Variants in MBTPS1 observed in about 807,000 individuals in gnomAD.
MBTPS1 encodes the protein membrane bound transcription factor peptidase, site 1.
MBTPS1 carries 94 observed loss-of-function variants against 127.8 expected under a neutral mutation model. That is an observed-to-expected ratio of 0.74 (90% CI 0.62 to 0.87). The LOEUF (loss-of-function observed/expected upper bound fraction) is 0.87. Among genes scored for constraint, MBTPS1 ranks in the 40% least tolerant of loss-of-function variants. The pLI, the probability that MBTPS1 is intolerant of heterozygous loss-of-function variation, is 0.00. For missense variants in MBTPS1, 1,636 were observed against 1,353.2 expected (o/e 1.21, Z -3.28); for synonymous variants, 632 against 509.4 (o/e 1.24, Z -3.24).
chr16:84,074,569 C>G (rs2085823267), intron 12 of MBTPS1, 28 bp downstream of exon 12: 2 of 1,608,470 alleles, frequency 1.2e-6, no homozygotes, highest in Non-Finnish European at 1.7e-6. Context: ...ACCATCAAGT[C>G]AGAGACCAAG....
intron 12 of MBTPS1, among the ~76,000 whole-genome samples, chr16:84,073,941 G>A (rs1409205906): frequency 6.6e-6 from 1 of 152,136 alleles, no homozygotes; most frequent in Non-Finnish European, 1.5e-5. Flanking sequence ...GGGAGGCGGA[G>A]GTTGCAGTGA....
chr16:84,067,724 C>G lies in MBTPS1; in HGVS notation c.2171G>C (p.Ser724Thr). ...VDNGLSLVIF[S>T]DWYNTSVMRK... ...CATAACAGAAGTGTTGTACCAGTCA[C>G]TGAAGATGACGAGCGAGAGGCCGTT... The change falls in exon 16 of 23, where the codon AGT (serine) becomes ACT (threonine). Residue 724 changes from serine to threonine, a missense_variant. Coordinates refer to ENST00000343411, the MANE Select transcript of MBTPS1 (RefSeq NM_003791.4). 6.2e-7 allele frequency: 1 copy of G among 1,614,170 alleles called. No individual in the cohort carries two copies. Among genetic ancestry groups the G allele is most frequent in the Non-Finnish European group, 8.5e-7 (1 of 1,179,974 alleles).
Position 84,065,746 on chromosome 16 carries a change from C to G in MBTPS1, c.2375G>C (p.Ser792Thr). 6.2e-7 allele frequency: 1 copy of G among 1,608,088 alleles called. No homozygotes were observed. Among genetic ancestry groups the G allele is most frequent in the South Asian group, 1.1e-5 (1 of 89,850 alleles). ...NHDMYYASGC[S>T]IAKFPEDGVV... ...GCCATCTTCTGGAAACTTCGCGATG[C>G]TGCACCCTGACGCATAATACACTAG... The change falls in exon 18 of 23, where the codon AGC becomes ACC. Residue 792 changes from serine to threonine, a missense_variant. Physicochemically the swap from Ser to Thr is moderately conservative, Grantham distance 58 (BLOSUM62 1). Transcript: ENST00000343411.
Position 84,070,050 on chromosome 16 carries a change from G to C in MBTPS1, c.1783-12C>G. ...GCACCATTTTTTGACTAAAAAAAAA[G>C]AAAAGAAACTTGAAACGCCCTCATT... On this transcript the variant is annotated splice_polypyrimidine_tract_variant and intron_variant, in intron 13 of 22. Transcript: ENST00000343411. 6.4e-7 allele frequency: 1 copy of C among 1,552,166 alleles called. No individual in the cohort carries two copies. The highest frequency in any genetic ancestry group is 8.7e-7 in the Non-Finnish European group (1 of 1,156,050).
At chr16:84,060,515 G>A (rs1043681520) in intron 20 of MBTPS1, 167 bp downstream of exon 20, 11 of 687,932 alleles carry the variant, frequency 1.6e-5, no homozygotes, top group South Asian at 6.2e-5. Flanking sequence ...TGGCCTCTCG[G>A]CAGGTTAGAG....
intron 2 of MBTPS1, among the ~76,000 whole-genome samples, chr16:84,101,001 A>T (rs1420761750): frequency 4.1e-5 from 6 of 146,306 alleles, no homozygotes; most frequent in Non-Finnish European, 6.0e-5. Flanking sequence ...TAAAAATACA[A>T]AAAAAAAAAA....
Position 84,070,674 on chromosome 16 carries a change from T to C in MBTPS1, c.1696A>G (p.Ile566Val). The change falls in exon 13 of 23, where the codon ATT becomes GTT. Residue 566 changes from isoleucine (I) to valine (V), a missense_variant. Ile to Val is a conservative substitution (Grantham distance 29, BLOSUM62 3). Transcript: ENST00000343411. ...GAAGCCGCTTTCTTGGTCACAGAAA[T>C]GGAGATGGCCAGGTAGCCCGACCAA... ...WPWSGYLAIS[I>V]SVTKKAASWE... 6.2e-7 allele frequency: 1 copy of C among 1,613,884 alleles called. No individual in the cohort carries two copies. The highest frequency in any genetic ancestry group is 8.5e-7 in the Non-Finnish European group (1 of 1,179,970).
intron 12 of MBTPS1, among the ~76,000 whole-genome samples, chr16:84,074,245 T>C (rs1391390954): frequency 6.6e-6 from 1 of 152,030 alleles, no homozygotes; most frequent in Non-Finnish European, 1.5e-5. Flanking sequence ...TCCTTTTTTT[T>C]TTTTTCCCAG....
intron 6 of MBTPS1, among the ~76,000 whole-genome samples, chr16:84,092,496 G>A (rs549714944): frequency 2.4e-4 from 36 of 152,236 alleles, no homozygotes; most frequent in African/African-American, 8.4e-4. Flanking sequence ...ATACACCAAA[G>A]AAATTCTACG....
At chr16:84,113,797 G>C (rs924705421) in intron 1 of MBTPS1, among the ~76,000 whole-genome samples, 1 of 152,154 alleles carries the variant, frequency 6.6e-6, no homozygotes, top group Non-Finnish European at 1.5e-5. Context: ...ACTGAATTGT[G>C]TTTAGACCAC....
rs546203307 is a variant in MBTPS1, at chr16:84,056,298, A to G, written c.2832-163T>C. On this transcript the variant is annotated intron_variant, in intron 21 of 22. Coordinates refer to ENST00000343411, the MANE Select transcript of MBTPS1 (RefSeq NM_003791.4). ...CACCTAAATGCCACTGACAGCAACT[A>G]TGGTGGCCGTTTCCACGTCCCGAGG... 40 of 576,166 alleles carry G rather than the reference A, an allele frequency of 6.9e-5. No individual in the cohort carries two copies. In the African/African-American group the frequency reaches 7.5e-4, roughly 11 times the overall value. 35.7% of individuals were successfully genotyped at this position (576,166 alleles called of 1,614,324 possible). A position where few individuals can be genotyped will look rare whatever the true frequency, so the allele number is the denominator to read the frequency against.
chr16:84,105,829 G>A (rs1040951972), intron 1 of MBTPS1, among the ~76,000 whole-genome samples: 3 of 152,138 alleles, frequency 2.0e-5, no homozygotes, highest in African/African-American at 4.8e-5. Flanking sequence ...CTCATCTAGT[G>A]AGAAACTACT....
At chr16:84,091,874 T>A in intron 6 of MBTPS1, 26 bp from the exon 7 acceptor site, 3 of 1,305,402 alleles carry the variant, frequency 2.3e-6, no homozygotes, top group Non-Finnish European at 3.3e-6. Flanking sequence ...AACAGTCTGC[T>A]TAGTGTTTCA....
chr16:84,074,764 A>G (rs1331763316), intron 11 of MBTPS1, 23 bp from the exon 12 acceptor site: 2 of 1,601,636 alleles, frequency 1.2e-6, no homozygotes, highest in African/African-American at 2.7e-5. Context: ...ATACAGTGTT[A>G]GAGTAGATCA....
At position 84,067,684 on chromosome 16, in the gene MBTPS1, A is replaced by T. The variant is rs754576279; in HGVS notation, c.2211T>A (p.Phe737Leu). 1.2e-6 allele frequency: 2 copies of T among 1,612,378 alleles called. No homozygotes were observed. Among genetic ancestry groups the T allele is most frequent in the African/African-American group, 2.7e-5 (2 of 74,896 alleles). ...YNTSVMRKVK[F>L]YDENTRQWWM... ...AACAGTACCTTGTGTTTTCATCATA[A>T]AACTTCACTTTTCTCATAACAGAAG... Residue 737 changes from phenylalanine (F) to leucine (L), a missense_variant, in exon 16 of 23, where the codon TTT becomes TTA. Physicochemically the swap from Phe to Leu is conservative, Grantham distance 22. Coordinates refer to ENST00000343411, the MANE Select transcript of MBTPS1 (RefSeq NM_003791.4).
At position 84,063,335 on chromosome 16, in the gene MBTPS1, T is replaced by C; in HGVS notation, c.2542A>G (p.Asn848Asp). Residue 848 changes from asparagine (N) to aspartate (D), a missense_variant, in exon 19 of 23, where the codon AAT becomes GAT. Transcript: ENST00000343411. ...TGTCGGTGACTGTCATCCAAGCAAT[T>C]GGAGTCCCCATACAGTACAATCCGG... ...GGRIVLYGDS[N>D]CLDDSHRQKD... is the part of the protein sequence containing the mutation. 1 of 1,612,800 alleles carries C rather than the reference T, an allele frequency of 6.2e-7. No homozygotes were observed. Among genetic ancestry groups the C allele is most frequent in the Non-Finnish European group, 8.5e-7 (1 of 1,178,938 alleles).
intron 12 of MBTPS1, among the ~76,000 whole-genome samples, chr16:84,073,010 A>C (rs1567480855): frequency 6.6e-6 from 1 of 152,260 alleles, no homozygotes; most frequent in Non-Finnish European, 1.5e-5. Context: ...ATGCAATAAT[A>C]TTCAGTGAAA....
In MBTPS1 at chr16:84,099,753, G is replaced by C. The variant is rs531579115; in HGVS notation, c.164-443C>G. 4.0e-5 allele frequency among the ~76,000 whole-genome samples: 6 copies of C among 150,372 alleles called. No individual in the cohort carries two copies. The South Asian group carries it at 1.3e-3, about 32-fold the overall frequency. ...GATTGCACCACTGCACTCCTGCCTG[G>C]TGACAGAGCAAGCCTCCGTCTCAAA... On this transcript the variant is annotated intron_variant, in intron 2 of 22. Coordinates refer to ENST00000343411, the MANE Select transcript of MBTPS1 (RefSeq NM_003791.4).
rs115979928 is a variant in MBTPS1 at position 84,105,577 on chromosome 16, A to G, written c.-324-3470T>C. Reference sequence around the variant, plus strand: ...AGCAGAGCATCCCAAGCGTGGCAACACTGGAACCACAGGAAGACACAGATG... The same window carrying G: ...AGCAGAGCATCCCAAGCGTGGCAACGCTGGAACCACAGGAAGACACAGATG... On this transcript the variant is annotated intron_variant, in intron 1 of 22. Transcript: ENST00000343411. 9.7e-3 allele frequency among the ~76,000 whole-genome samples: 1,477 copies of G among 152,290 alleles called. 24 individuals are homozygous for G. Among genetic ancestry groups the G allele is most frequent in the African/African-American group, 0.033 (1,391 of 41,562 alleles).
Sources: gnomAD v4.1 joint callset for allele counts (sites outside exome capture counted in the v4.1 genomes callset) on GRCh38, gnomAD v4.1.1 for gene constraint, MANE v1.5 for transcripts, NCBI Gene and HGNC (gene_info 2026-07-23, HGNC 2026-07-21) for gene names.